The following REEP1 variants were observed in gnomAD, a reference collection of about 807,000 sequenced individuals.
The protein encoded by REEP1 is receptor expression-enhancing protein 1.
Under a neutral mutation model 40.3 loss-of-function variants are expected in REEP1, and 22 were observed. That is an observed-to-expected ratio of 0.55 (90% CI 0.39 to 0.78). REEP1 has a LOEUF of 0.78. Ranked by LOEUF, REEP1 falls within the 30% of genes least tolerant of loss-of-function variation. REEP1 has a pLI of 0.00. For missense variants in REEP1, 280 were observed against 361.1 expected (o/e 0.78, Z 1.82); for synonymous variants, 116 against 139.2 (o/e 0.83, Z 1.17).
chr2:86,282,358 G>A (rs988593001), intron 1 of REEP1, 116 bp from the exon 2 acceptor site: 26 of 813,896 alleles, frequency 3.2e-5, no homozygotes, highest in Middle Eastern at 2.5e-4. Context: ...CTGCTGTGGG[G>A]CTTGATTTAT....
chr2:86,275,811 T>C (rs1192703805), intron 2 of REEP1, among the ~76,000 whole-genome samples: 1 of 152,158 alleles, frequency 6.6e-6, no homozygotes, highest in Non-Finnish European at 1.5e-5. Flanking sequence ...TTTCCATCCC[T>C]GAGTAAAACA....
intron 2 of REEP1, among the ~76,000 whole-genome samples, chr2:86,272,409 C>A (rs1380983032): frequency 6.6e-6 from 1 of 152,188 alleles, no homozygotes; most frequent in East Asian, 1.9e-4. Flanking sequence ...TGTAAGAAAC[C>A]TCTTTTCAGT....
At chr2:86,252,934 G>T (rs561982360) in intron 4 of REEP1, among the ~76,000 whole-genome samples, 1 of 152,304 alleles carries the variant, frequency 6.6e-6, no homozygotes, top group African/African-American at 2.4e-5. Context: ...TAACTTTGGT[G>T]TATTATTTTT....
In REEP1 at chr2:86,331,532, G is replaced by T. The variant is rs77447359; in HGVS notation, c.32+5947C>A. On this transcript the variant is annotated intron_variant, in intron 1 of 8. Coordinates refer to ENST00000538924, the MANE Select transcript of REEP1 (RefSeq NM_001371279.1). Reference sequence around the variant, plus strand: ...ATCAGTGAAAGGAAAAAAAAAAGGTGGGGGGGCGGGGAATGTAGTATAGAT... The same window carrying T: ...ATCAGTGAAAGGAAAAAAAAAAGGTTGGGGGGCGGGGAATGTAGTATAGAT... 3.0e-3 allele frequency among the ~76,000 whole-genome samples: 420 copies of T among 140,658 alleles called. 2 individuals are homozygous for T. The highest frequency in any genetic ancestry group is 9.8e-3 in the African/African-American group (401 of 40,764). The allele number at this position is 140,658 out of a possible 152,430, so 92.3% of individuals were successfully genotyped here. A position where few individuals can be genotyped will look rare whatever the true frequency, so the allele number is the denominator to read the frequency against.
At chr2:86,285,876 C>T (rs181349416) in intron 1 of REEP1, among the ~76,000 whole-genome samples, 1 of 152,284 alleles carries the variant, frequency 6.6e-6, no homozygotes, top group Non-Finnish European at 1.5e-5. Flanking sequence ...ATAAGAGGGT[C>T]TAAAGCTCCT....
chr2:86,243,410 C>G (rs1174350183), intron 5 of REEP1, among the ~76,000 whole-genome samples: 1 of 152,214 alleles, frequency 6.6e-6, no homozygotes. Context: ...AGGCATCAGG[C>G]TGCACAATCT....
At chr2:86,291,807 G>A (rs898445385) in intron 1 of REEP1, among the ~76,000 whole-genome samples, 1 of 152,146 alleles carries the variant, frequency 6.6e-6, no homozygotes, top group Non-Finnish European at 1.5e-5. Flanking sequence ...ATTTAAAGCT[G>A]TCTGTAATGT....
At chr2:86,304,467 C>G (rs1162981454) in intron 1 of REEP1, among the ~76,000 whole-genome samples, 1 of 152,142 alleles carries the variant, frequency 6.6e-6, no homozygotes, top group East Asian at 1.9e-4. Context: ...ATCTACCTAC[C>G]CCCTAAAAGA....
At chr2:86,234,466 C>T (rs372116366) in intron 5 of REEP1, among the ~76,000 whole-genome samples, 1 of 151,990 alleles carries the variant, frequency 6.6e-6, no homozygotes, top group South Asian at 2.1e-4. Flanking sequence ...TGCAGTGAGC[C>T]GGGATCATAC....
At chr2:86,232,572 A>C in intron 6 of REEP1, 53 bp downstream of exon 6, 1 of 1,588,618 alleles carries the variant, frequency 6.3e-7, no homozygotes, top group South Asian at 1.1e-5. Flanking sequence ...GGCCTCTCTC[A>C]ATGAAAGCGA....
chr2:86,269,732 T>C (rs895747919), intron 2 of REEP1, among the ~76,000 whole-genome samples: 3 of 151,960 alleles, frequency 2.0e-5, no homozygotes, highest in African/African-American at 7.3e-5. Flanking sequence ...GAAAAAATAA[T>C]AATAAAATTA....
intron 2 of REEP1, among the ~76,000 whole-genome samples, chr2:86,271,932 C>G (rs750720450): frequency 6.6e-6 from 1 of 152,074 alleles, no homozygotes; most frequent in Non-Finnish European, 1.5e-5. Flanking sequence ...TTTAAAAATC[C>G]CTCTCCTTGG....
intron 3 of REEP1, among the ~76,000 whole-genome samples, chr2:86,259,640 G>A (rs6713740): frequency 0.36 from 54,868 of 151,724 alleles, 11,950 homozygotes; most frequent in East Asian, 0.58. Flanking sequence ...TGCTCGCCTC[G>A]GCCTCCCAAA....
chr2:86,227,328 C>A, intron 7 of REEP1, 35 bp downstream of exon 7: 1 of 1,232,252 alleles, frequency 8.1e-7, no homozygotes, highest in Non-Finnish European at 1.0e-6. Flanking sequence ...GAGTGAGAGT[C>A]CAGCACGCTG....
intron 1 of REEP1, among the ~76,000 whole-genome samples, chr2:86,284,285 C>T (rs1287730574): frequency 6.6e-6 from 1 of 152,196 alleles, no homozygotes; most frequent in Non-Finnish European, 1.5e-5. Context: ...TGTACCTGCC[C>T]CTTTCTTAGC....
chr2:86,293,283 G>A (rs930220912), intron 1 of REEP1, among the ~76,000 whole-genome samples: 2 of 152,204 alleles, frequency 1.3e-5, no homozygotes, highest in African/African-American at 4.8e-5. Flanking sequence ...CTTCAGGGAA[G>A]TCACAACATG....
At chr2:86,257,623 C>A (rs1399440828) in intron 3 of REEP1, among the ~76,000 whole-genome samples, 1 of 148,866 alleles carries the variant, frequency 6.7e-6, no homozygotes, top group African/African-American at 2.5e-5. Flanking sequence ...ACAGGGATAG[C>A]TACCTCACTC....
At chr2:86,298,617 G>A (rs972659470) in intron 1 of REEP1, among the ~76,000 whole-genome samples, 9 of 152,176 alleles carry the variant, frequency 5.9e-5, no homozygotes, top group East Asian at 5.8e-4. Context: ...TGTTTCTACC[G>A]TGTGGACGCT....
Position 86,337,420 on chromosome 2 carries a change from C to CCCGGGG in REEP1, c.32+53_32+58dup. The stretch of plus-strand genomic sequence containing the variant: ...CCGGGCGCTGTAGGGGCGCGCGCAG[C>CCCGGGG]CCGGGGCCGGGGGCGGGGAGGGAGG... On this transcript the variant is annotated intron_variant, in intron 1 of 8. Coordinates refer to ENST00000538924, the MANE Select transcript of REEP1 (RefSeq NM_001371279.1). The surrounding 1 kb of genome is among the most constrained non-coding windows in gnomAD (Gnocchi z 5.8). 8.6e-7 allele frequency: 1 copy of CCCGGGG among 1,160,300 alleles called. No homozygotes were observed. Among genetic ancestry groups the CCCGGGG allele is most frequent in the Non-Finnish European group, 1.1e-6 (1 of 926,292 alleles). The allele number at this position is 1,160,300 out of a possible 1,614,324, so 71.9% of individuals were successfully genotyped here.
Sources: allele counts gnomAD v4.1 joint callset (sites outside exome capture counted in the v4.1 genomes callset), GRCh38; gene constraint gnomAD v4.1.1; non-coding constraint Gnocchi (gnomAD v3.1); transcripts MANE v1.5; gene names NCBI Gene and HGNC (gene_info 2026-07-23, HGNC 2026-07-21).